FCHO2: variants seen among roughly 807,000 people sequenced by gnomAD.
FCHO2 encodes F-BAR domain only protein 2.
In FCHO2, 43 loss-of-function variants were observed where a neutral mutation model predicts 114.1. The ratio of observed to expected loss-of-function variants is 0.38; its 90% CI spans 0.30 to 0.49. FCHO2 has a LOEUF of 0.49. Among genes scored for constraint, FCHO2 ranks in the 20% least tolerant of loss-of-function variants. The pLI, the probability that FCHO2 is intolerant of heterozygous loss-of-function variation, is 0.97. For missense variants in FCHO2, 807 were observed against 950.4 expected, an observed-to-expected ratio of 0.85 and a Z score of 1.98; for synonymous variants, 293 against 315.2, an observed-to-expected ratio of 0.93 and a Z score of 0.75.
intron 24 of FCHO2, among the ~76,000 whole-genome samples, chr5:73,083,824 C>T (rs555479190): frequency 2.2e-5 from 3 of 139,480 alleles, no homozygotes; most frequent in East Asian, 2.3e-4. Flanking sequence ...CCCAAGGAGG[C>T]GGAGGTTGCA....
chr5:72,986,164 A>G (rs907571714), intron 2 of FCHO2, among the ~76,000 whole-genome samples: 2 of 151,872 alleles, frequency 1.3e-5, no homozygotes, highest in East Asian at 1.9e-4. Context: ...TCAATATAGT[A>G]TATCTAATCA....
rs538285718 is a variant in FCHO2 at position 72,974,925 on chromosome 5, C to T, written c.125+6336C>T. On this transcript the variant is annotated intron_variant, in intron 2 of 25. Coordinates refer to ENST00000430046, the MANE Select transcript of FCHO2 (RefSeq NM_138782.3). ...TGGTGACAAAATCTCTCAGCATTTG[C>T]TTGTCTGTAAAGTATTTTATTTCTC... Among the ~76,000 whole-genome samples, 636 of 152,202 alleles carry T rather than the reference C, an allele frequency of 4.2e-3. 3 individuals carry two copies. The highest frequency in any genetic ancestry group is 0.015 in the African/African-American group (604 of 41,512).
intron 20 of FCHO2, among the ~76,000 whole-genome samples, chr5:73,076,207 T>A (rs531100246): frequency 6.6e-6 from 1 of 152,242 alleles, no homozygotes; most frequent in South Asian, 2.1e-4. Context: ...AATTGACCAT[T>A]GACAATAATT....
intron 8 of FCHO2, among the ~76,000 whole-genome samples, chr5:73,026,655 AT>A (rs1161969757): frequency 3.3e-5 from 5 of 152,020 alleles, no homozygotes; most frequent in Non-Finnish European, 7.4e-5. Context: ...TATATTACTT[AT>A]TGTATGTACT....
At chr5:73,062,782 G>A (rs1001331796) in intron 17 of FCHO2, among the ~76,000 whole-genome samples, 3 of 151,882 alleles carry the variant, frequency 2.0e-5, no homozygotes, top group Non-Finnish European at 2.9e-5. Context: ...CTACCTCTAT[G>A]CACCTTCCTT....
Position 72,990,479 on chromosome 5 carries a change from A to G in FCHO2, c.202A>G (p.Thr68Ala). The change falls in exon 4 of 26, where the codon ACA becomes GCA. Residue 68 changes from threonine (T) to alanine (A), a missense_variant and splice_region_variant. Coordinates refer to ENST00000430046, the MANE Select transcript of FCHO2 (RefSeq NM_138782.3). ...TTCCCATATTTTTTATTTTCTTAGAACATTTGCACCAGTATGGGATGTATT... is the reference window on the plus strand; with the variant it reads ...TTCCCATATTTTTTATTTTCTTAGAGCATTTGCACCAGTATGGGATGTATT... ...KSASNYSQLG[T>A]FAPVWDVFKT... is the part of the protein sequence containing the mutation. 6.7e-7 allele frequency: 1 copy of G among 1,502,016 alleles called. No individual in the cohort carries two copies. Among genetic ancestry groups the G allele is most frequent in the Non-Finnish European group, 8.8e-7 (1 of 1,131,200 alleles). The allele number at this position is 1,502,016 out of a possible 1,614,324, so 93.0% of individuals were successfully genotyped here.
At chr5:72,998,631 A>G (rs26575) in intron 5 of FCHO2, among the ~76,000 whole-genome samples, 68,673 of 150,996 alleles carry the variant, frequency 0.45, 17,634 homozygotes, top group African/African-American at 0.7. Flanking sequence ...TATCCAGAGG[A>G]TTAAAGTACT....
chr5:73,088,308 G>A lies in FCHO2; in HGVS notation c.*218G>A. On this transcript the variant is annotated 3_prime_UTR_variant, in exon 26 of 26. Transcript: ENST00000430046. The stretch of plus-strand genomic sequence containing the variant: ...TGTAAATGATCAACTACAATATTCA[G>A]GAAGCACATTTATTCAGATTCTCAG... 1.8e-6 allele frequency: 1 copy of A among 553,938 alleles called. No homozygotes were observed. The highest frequency in any genetic ancestry group is 3.1e-6 in the Non-Finnish European group (1 of 318,394). 34.3% of individuals were successfully genotyped at this position (553,938 alleles called of 1,614,324 possible). A position where few individuals can be genotyped will look rare whatever the true frequency, so the allele number is the denominator to read the frequency against.
At chr5:73,062,354 A>G (rs1757892048) in intron 17 of FCHO2, among the ~76,000 whole-genome samples, 1 of 152,138 alleles carries the variant, frequency 6.6e-6, no homozygotes. Flanking sequence ...GTTTGAGTCA[A>G]TCTAAATGCC....
intron 2 of FCHO2, among the ~76,000 whole-genome samples, chr5:72,974,879 G>A (rs914750921): frequency 5.3e-5 from 8 of 152,162 alleles, no homozygotes; most frequent in Non-Finnish European, 8.8e-5. Context: ...TCCTTCGGGA[G>A]CTCTTGTAGG....
chr5:73,055,827 G>A (rs1248415952), intron 15 of FCHO2, among the ~76,000 whole-genome samples: 1 of 152,088 alleles, frequency 6.6e-6, no homozygotes, highest in African/African-American at 2.4e-5. Context: ...GAATATCATA[G>A]TTTAATTGAC....
At chr5:73,001,226 A>G (rs1471005309) in intron 5 of FCHO2, among the ~76,000 whole-genome samples, 1 of 152,074 alleles carries the variant, frequency 6.6e-6, no homozygotes, top group Non-Finnish European at 1.5e-5. Flanking sequence ...GGGAGACCCC[A>G]TCTCTACAAA....
intron 25 of FCHO2, 34 bp downstream of exon 25, chr5:73,087,787 A>G (rs372073618): frequency 8.5e-6 from 13 of 1,533,954 alleles, no homozygotes; most frequent in Middle Eastern, 1.8e-4. Flanking sequence ...TTTAATGTAC[A>G]TGGGAAACAT....
intron 24 of FCHO2, among the ~76,000 whole-genome samples, chr5:73,086,647 T>C (rs971776156): frequency 6.6e-6 from 1 of 152,204 alleles, no homozygotes; most frequent in African/African-American, 2.4e-5. Flanking sequence ...TGTTTTGACT[T>C]GCAGTTGGTC....
chr5:72,976,721 C>G lies in FCHO2; in HGVS notation c.125+8132C>G, dbSNP rs1476474921. ...ATGTGCCATGGTGGTTTGCTGCACC[C>G]ATGAACCTGTCATCCACATTAGGTC... On this transcript the variant is annotated intron_variant, in intron 2 of 25. Coordinates refer to ENST00000430046, the MANE Select transcript of FCHO2 (RefSeq NM_138782.3). 2.4e-4 allele frequency among the ~76,000 whole-genome samples: 37 copies of G among 152,010 alleles called. 1 individual carries two copies. The highest frequency in any genetic ancestry group is 5.9e-5 in the Non-Finnish European group (4 of 67,998).
At chr5:73,016,022 C>A (rs986648210) in intron 7 of FCHO2, among the ~76,000 whole-genome samples, 5 of 151,998 alleles carry the variant, frequency 3.3e-5, no homozygotes, top group African/African-American at 1.2e-4. Flanking sequence ...TCAAGCTTTA[C>A]TATTTTTAAA....
At position 73,089,508 on chromosome 5, in the gene FCHO2, CT is replaced by C. The variant is rs1743417757; in HGVS notation, c.*1419del. ...TTGGTTAAACATTTCTAAAAATAAACTACCAATACTAAATAGTAAGAAACCT... is the reference window on the plus strand; with the variant it reads ...TTGGTTAAACATTTCTAAAAATAAACACCAATACTAAATAGTAAGAAACCT... On this transcript the variant is annotated 3_prime_UTR_variant, in exon 26 of 26. Coordinates refer to ENST00000430046, the MANE Select transcript of FCHO2 (RefSeq NM_138782.3). 6.6e-6 allele frequency: 1 copy of C among 152,264 alleles called. No homozygotes were observed. The highest frequency in any genetic ancestry group is 2.4e-5 in the African/African-American group (1 of 41,404). The allele number at this position is 152,264 out of a possible 1,614,324, so 9.4% of individuals were successfully genotyped here. A position where few individuals can be genotyped will look rare whatever the true frequency, so the allele number is the denominator to read the frequency against.
At chr5:72,969,532 C>T (rs769474110) in intron 2 of FCHO2, among the ~76,000 whole-genome samples, 3 of 152,064 alleles carry the variant, frequency 2.0e-5, no homozygotes, top group Admixed American at 6.6e-5. Context: ...AAGGAAAGGC[C>T]GCAGAACTCT....
intron 2 of FCHO2, among the ~76,000 whole-genome samples, chr5:72,983,469 T>TTCTTC (rs1753340849): frequency 6.6e-6 from 1 of 151,980 alleles, no homozygotes; most frequent in Admixed American, 6.6e-5. Flanking sequence ...GCTCAATCAA[T>TTCTTC]TCTTCTGCCT....
Sources: allele counts gnomAD v4.1 joint callset (sites outside exome capture counted in the v4.1 genomes callset), GRCh38; gene constraint gnomAD v4.1.1; transcripts MANE v1.5; gene names NCBI Gene and HGNC (gene_info 2026-07-23, HGNC 2026-07-21).